COL26A1: variants seen among roughly 807,000 people sequenced by gnomAD.
COL26A1 encodes the protein collagen alpha-1(XXVI) chain.
A neutral mutation model predicts 59.3 loss-of-function variants in COL26A1; 41 were observed. The observed-to-expected ratio is 0.69, with a 90% CI of 0.54 to 0.90. The LOEUF is 0.90. Ranked by LOEUF, COL26A1 falls within the 40% of genes least tolerant of loss-of-function variation. The probability of loss-of-function intolerance (pLI) is 0.00; values close to 1 mark genes in which losing one functional copy is unlikely to be tolerated. For missense variants in COL26A1, 612 were observed against 602.3 expected, an observed-to-expected ratio of 1.02 and a Z score of -0.17; for synonymous variants, 266 against 256.0, an observed-to-expected ratio of 1.04 and a Z score of -0.37.
At chr7:101,526,516 G>A (rs970494110) in intron 3 of COL26A1, among the ~76,000 whole-genome samples, 1 of 152,170 alleles carries the variant, frequency 6.6e-6, no homozygotes, top group Non-Finnish European at 1.5e-5. Flanking sequence ...CCTCCCACTG[G>A]GATCTTGTGG....
chr7:101,554,731 A>G (rs1210930036), intron 11 of COL26A1, among the ~76,000 whole-genome samples: 1 of 152,068 alleles, frequency 6.6e-6, no homozygotes, highest in Non-Finnish European at 1.5e-5. Context: ...GTGACAAAGC[A>G]AGACCTTGTC....
chr7:101,369,625 A>G (rs1157208614), intron 1 of COL26A1, among the ~76,000 whole-genome samples: 1 of 146,880 alleles, frequency 6.8e-6, no homozygotes, highest in Non-Finnish European at 1.5e-5. Flanking sequence ...ATATTTTTGT[A>G]TTTTTTTTTA....
At chr7:101,404,298 G>A (rs1230867124) in intron 1 of COL26A1, among the ~76,000 whole-genome samples, 3 of 152,150 alleles carry the variant, frequency 2.0e-5, no homozygotes. Context: ...GGTTGTTCAA[G>A]CCCAATTTAT....
At chr7:101,455,504 T>TTTTC (rs1491217696) in intron 3 of COL26A1, among the ~76,000 whole-genome samples, 4 of 36,126 alleles carry the variant, frequency 1.1e-4, no homozygotes, top group African/African-American at 4.2e-4. Flanking sequence ...TTTTCTTTTC[T>TTTTC]TTTTTTTTTT....
chr7:101,418,054 A>G (rs1792421262), intron 1 of COL26A1, among the ~76,000 whole-genome samples: 1 of 152,090 alleles, frequency 6.6e-6, no homozygotes, highest in South Asian at 2.1e-4. Context: ...AGAGACAAAC[A>G]GGATCTTGCT....
intron 1 of COL26A1, among the ~76,000 whole-genome samples, chr7:101,389,971 T>C (rs1584364408): frequency 6.6e-6 from 1 of 152,130 alleles, no homozygotes; most frequent in East Asian, 1.9e-4. Context: ...TTTCACTCTG[T>C]TGATTGGATC....
At chr7:101,444,121 T>G (rs1434500302) in intron 2 of COL26A1, among the ~76,000 whole-genome samples, 1 of 151,982 alleles carries the variant, frequency 6.6e-6, no homozygotes, top group Non-Finnish European at 1.5e-5. Context: ...CAAGCAATCC[T>G]CCTGCCTCGG....
At chr7:101,440,155 C>T (rs929559104) in intron 2 of COL26A1, among the ~76,000 whole-genome samples, 3 of 152,106 alleles carry the variant, frequency 2.0e-5, no homozygotes, top group Non-Finnish European at 4.4e-5. Flanking sequence ...CACCTGAGGT[C>T]AGGAGTTCAA....
At position 101,400,351 on chromosome 7, in the gene COL26A1, C is replaced by CTTTTT. The variant is rs1387032420; in HGVS notation, c.159-19625_159-19624insTTTTT. On this transcript the variant is annotated intron_variant, in intron 1 of 12. Transcript: ENST00000313669. ...GTCCACACTGCCTTTCTTTTTTTTC[C>CTTTTT]TATTTTTTTTTTTTTTTTTTTTTTT... Among the ~76,000 whole-genome samples, 111 of 123,362 alleles carry CTTTTT rather than the reference C, an allele frequency of 9.0e-4. 30 individuals are homozygous for CTTTTT. The highest frequency in any genetic ancestry group is 1.1e-3 in the Non-Finnish European group (66 of 59,046). The allele number at this position is 123,362 out of a possible 152,430, so 80.9% of individuals were successfully genotyped here.
At chr7:101,455,965 C>T (rs540344488) in intron 3 of COL26A1, among the ~76,000 whole-genome samples, 17 of 152,024 alleles carry the variant, frequency 1.1e-4, no homozygotes, top group Admixed American at 7.2e-4. Flanking sequence ...GGATTACAGG[C>T]GCGAGCCACT....
At chr7:101,417,193 T>G (rs187915733) in intron 1 of COL26A1, among the ~76,000 whole-genome samples, 1 of 152,204 alleles carries the variant, frequency 6.6e-6, no homozygotes, top group Non-Finnish European at 1.5e-5. Flanking sequence ...GATACTGGCC[T>G]TTTTTCCTCA....
chr7:101,439,569 A>AAAAAAAAAAG (rs1793000836), intron 2 of COL26A1, among the ~76,000 whole-genome samples: 2 of 144,288 alleles, frequency 1.4e-5, no homozygotes, highest in Non-Finnish European at 1.5e-5. Context: ...AAAAAAAAAG[A>AAAAAAAAAAG]GGTAAGGAAA....
intron 3 of COL26A1, among the ~76,000 whole-genome samples, chr7:101,511,769 G>A (rs543514429): frequency 1.3e-5 from 2 of 152,266 alleles, no homozygotes; most frequent in Admixed American, 1.3e-4. Flanking sequence ...TAGGTGGGAG[G>A]ATTGCATAAG....
At chr7:101,402,610 C>T (rs1371876532) in intron 1 of COL26A1, among the ~76,000 whole-genome samples, 2 of 145,590 alleles carry the variant, frequency 1.4e-5, no homozygotes, top group Non-Finnish European at 3.0e-5. Flanking sequence ...TCTTTCCTTT[C>T]TTCTCTTTCT....
chr7:101,486,252 G>A (rs1213341746), intron 3 of COL26A1, among the ~76,000 whole-genome samples: 1 of 151,986 alleles, frequency 6.6e-6, no homozygotes, highest in Non-Finnish European at 1.5e-5. Flanking sequence ...GGGCATAGTT[G>A]ACCCTTGGGA....
At chr7:101,417,816 G>T (rs1431404732) in intron 1 of COL26A1, among the ~76,000 whole-genome samples, 1 of 151,662 alleles carries the variant, frequency 6.6e-6, no homozygotes, top group Non-Finnish European at 1.5e-5. Context: ...CTGCCTCCTG[G>T]GTTCAAGTGA....
chr7:101,368,837 G>A (rs1461648928), intron 1 of COL26A1, among the ~76,000 whole-genome samples: 2 of 150,954 alleles, frequency 1.3e-5, no homozygotes, highest in South Asian at 2.1e-4. Context: ...TTTAAAATTC[G>A]TAATTGCTAG....
chr7:101,489,344 T>C (rs1445182715), intron 3 of COL26A1, among the ~76,000 whole-genome samples: 1 of 152,160 alleles, frequency 6.6e-6, no homozygotes, highest in East Asian at 1.9e-4. Flanking sequence ...CCATCCTCTG[T>C]CACCCTAAGA....
intron 1 of COL26A1, among the ~76,000 whole-genome samples, chr7:101,369,068 C>G (rs533212918): frequency 1.3e-4 from 20 of 152,122 alleles, no homozygotes; most frequent in African/African-American, 4.3e-4. Flanking sequence ...CTGTCTTCAA[C>G]TTGGCCTTTT....
Sources: allele counts gnomAD v4.1 joint callset (sites outside exome capture counted in the v4.1 genomes callset), GRCh38; gene constraint gnomAD v4.1.1; transcripts MANE v1.5; gene names NCBI Gene and HGNC (gene_info 2026-07-23, HGNC 2026-07-21).